Variants in POC5 observed in about 807,000 individuals in gnomAD.
The protein encoded by POC5 is POC5 centriolar protein.
Under a neutral mutation model 62.9 loss-of-function variants are expected in POC5, and 48 were observed. The ratio of observed to expected loss-of-function variants is 0.76; its 90% CI spans 0.61 to 0.97. The LOEUF is 0.97. Ranked by LOEUF, POC5 falls within the 50% of genes least tolerant of loss-of-function variation. The pLI is 0.00. For synonymous variants in POC5, 236 were observed against 228.2 expected (o/e 1.03, Z -0.31); for missense variants, 696 against 679.5 (o/e 1.02, Z -0.27).
intron 3 of POC5, 130 bp downstream of exon 3, chr5:75,707,607 A>G (rs539549283): frequency 1.5e-6 from 1 of 685,072 alleles, no homozygotes; most frequent in Admixed American, 3.0e-5. Context: ...GCTCCCCTAG[A>G]TGATACTAAT....
intron 9 of POC5, among the ~76,000 whole-genome samples, chr5:75,686,945 C>T (rs967540447): frequency 7.2e-5 from 11 of 152,068 alleles, no homozygotes; most frequent in African/African-American, 2.4e-4. Context: ...AGCAAAGAAT[C>T]GGTACAAATA....
At chr5:75,686,562 T>A (rs1183469306) in intron 9 of POC5, among the ~76,000 whole-genome samples, 6 of 152,204 alleles carry the variant, frequency 3.9e-5, no homozygotes, top group Non-Finnish European at 7.3e-5. Flanking sequence ...TATAAAATAC[T>A]TTTAATTTGA....
chr5:75,684,363 A>ATTTTTTTTTTTTTTTTT (rs749361349), intron 10 of POC5, among the ~76,000 whole-genome samples: 3 of 132,710 alleles, frequency 2.3e-5, no homozygotes, highest in African/African-American at 8.5e-5. Flanking sequence ...TTCCTACATA[A>ATTTTTTTTTTTTTTTTT]TTTTTTTTTT....
intron 6 of POC5, among the ~76,000 whole-genome samples, chr5:75,693,773 A>C (rs1278985936): frequency 6.6e-6 from 1 of 152,122 alleles, no homozygotes; most frequent in Non-Finnish European, 1.5e-5. Flanking sequence ...TCTGAACAAC[A>C]CCACTCTCCT....
At chr5:75,714,809 C>T (rs918310903) in intron 1 of POC5, among the ~76,000 whole-genome samples, 11 of 152,132 alleles carry the variant, frequency 7.2e-5, no homozygotes, top group African/African-American at 2.7e-4. Flanking sequence ...CTGCCATTCA[C>T]AATGGCTACA....
intron 4 of POC5, among the ~76,000 whole-genome samples, chr5:75,704,447 A>C (rs561268961): frequency 1.3e-5 from 2 of 152,350 alleles, no homozygotes; most frequent in East Asian, 3.9e-4. Flanking sequence ...ATAATTCCCT[A>C]ACATGTGTGT....
chr5:75,715,530 T>C (rs1181139517), intron 1 of POC5, among the ~76,000 whole-genome samples: 1 of 152,028 alleles, frequency 6.6e-6, no homozygotes, highest in Non-Finnish European at 1.5e-5. Flanking sequence ...TCGTGAGAAT[T>C]CACTATCATG....
At chr5:75,678,457 T>C (rs1455272867) in intron 10 of POC5, among the ~76,000 whole-genome samples, 1 of 152,118 alleles carries the variant, frequency 6.6e-6, no homozygotes, top group Non-Finnish European at 1.5e-5. Context: ...TTGACAGTCA[T>C]ATCCATCTCT....
In POC5 at chr5:75,674,370, C is replaced by T. The variant is rs1775572022; in HGVS notation, c.*65G>A. On this transcript the variant is annotated 3_prime_UTR_variant, in exon 12 of 12. Transcript: ENST00000428202. Reference sequence around the variant, plus strand: ...TCTAACAATATGGAAAAGTTAAAACCAAAAGACTTCTAACCCTTGGTAAGA... The same window carrying T: ...TCTAACAATATGGAAAAGTTAAAACTAAAAGACTTCTAACCCTTGGTAAGA... 6.6e-7 allele frequency: 1 copy of T among 1,515,342 alleles called. No individual in the cohort carries two copies. The highest frequency in any genetic ancestry group is 8.9e-7 in the Non-Finnish European group (1 of 1,122,398). The allele number at this position is 1,515,342 out of a possible 1,614,324, so 93.9% of individuals were successfully genotyped here. A position where few individuals can be genotyped will look rare whatever the true frequency, so the allele number is the denominator to read the frequency against.
At chr5:75,712,733 T>C in intron 2 of POC5, 121 bp downstream of exon 2, 6 of 803,440 alleles carry the variant, frequency 7.5e-6, no homozygotes, top group Non-Finnish European at 1.0e-5. Flanking sequence ...TTTGATATTA[T>C]TATAAATTGA....
chr5:75,684,552 G>A (rs902035386), intron 10 of POC5, among the ~76,000 whole-genome samples: 1 of 151,962 alleles, frequency 6.6e-6, no homozygotes, highest in Non-Finnish European at 1.5e-5. Flanking sequence ...TTTTAGTAGA[G>A]GCGGGGTTTC....
chr5:75,674,706 T>G (rs1775587455), intron 11 of POC5, 128 bp from the exon 12 acceptor site: 7 of 1,194,406 alleles, frequency 5.9e-6, no homozygotes, highest in Non-Finnish European at 8.3e-6. Flanking sequence ...AAGCAATGAG[T>G]GGAGTGAAGC....
intron 2 of POC5, 135 bp downstream of exon 2, chr5:75,712,719 G>A (rs773211301): frequency 1.3e-6 from 1 of 769,438 alleles, no homozygotes; most frequent in Non-Finnish European, 2.1e-6. Context: ...AGTAATTCCT[G>A]AAGTTTGATA....
chr5:75,680,881 G>A (rs1314838896), intron 10 of POC5, among the ~76,000 whole-genome samples: 1 of 151,976 alleles, frequency 6.6e-6, no homozygotes, highest in East Asian at 1.9e-4. Context: ...TTTAAAACCA[G>A]CAAATTAATA....
At chr5:75,696,067 C>G (rs1293877927) in intron 5 of POC5, 1 of 153,868 alleles carries the variant, frequency 6.5e-6, no homozygotes, top group African/African-American at 2.4e-5. Context: ...GTCCTACGCC[C>G]ACGAAGTCTC....
intron 11 of POC5, among the ~76,000 whole-genome samples, chr5:75,676,152 TACAAA>T (rs562413843): frequency 2.4e-4 from 37 of 152,236 alleles, no homozygotes; most frequent in Non-Finnish European, 4.6e-4. Flanking sequence ...CCATCATTAC[TACAAA>T]ACAAAAGCTT....
intron 11 of POC5, 41 bp downstream of exon 11, chr5:75,677,733 A>T: frequency 6.7e-7 from 1 of 1,497,102 alleles, no homozygotes; most frequent in Non-Finnish European, 8.9e-7. Context: ...AACTCTCAGG[A>T]AAAAGACTTT....
chr5:75,692,756 T>C (rs1776396204), intron 6 of POC5, among the ~76,000 whole-genome samples: 1 of 152,086 alleles, frequency 6.6e-6, no homozygotes, highest in Non-Finnish European at 1.5e-5. Flanking sequence ...ATAAAAAGTT[T>C]ATGTATATGC....
At chr5:75,685,952 G>A (rs911708551) in intron 9 of POC5, among the ~76,000 whole-genome samples, 6 of 151,966 alleles carry the variant, frequency 3.9e-5, no homozygotes, top group African/African-American at 1.2e-4. Context: ...CATGTATTGC[G>A]CCTATCCTAA....
Sources: allele counts gnomAD v4.1 joint callset (sites outside exome capture counted in the v4.1 genomes callset), GRCh38; gene constraint gnomAD v4.1.1; transcripts MANE v1.5; gene names NCBI Gene and HGNC (gene_info 2026-07-23, HGNC 2026-07-21).